CLEC16A: variants seen among roughly 807,000 people sequenced by gnomAD.
The protein encoded by CLEC16A is C-type lectin domain containing 16A.
A neutral mutation model predicts 109.5 loss-of-function variants in CLEC16A; 51 were observed. That is an observed-to-expected ratio of 0.47 (90% confidence interval 0.37 to 0.59). CLEC16A has a LOEUF of 0.59. CLEC16A is among the 20% of genes least tolerant of loss of function. The pLI, the probability that CLEC16A is intolerant of heterozygous loss-of-function variation, is 0.00. For missense variants in CLEC16A, 1,339 were observed against 1,394.0 expected (o/e 0.96, Z 0.63); for synonymous variants, 673 against 564.2 (o/e 1.19, Z -2.73).
intron 1 of CLEC16A, among the ~76,000 whole-genome samples, chr16:10,956,400 A>C (rs2041988417): frequency 6.6e-6 from 1 of 152,174 alleles, no homozygotes; most frequent in South Asian, 2.1e-4. Flanking sequence ...AATCCTATCT[A>C]GACGTTTCCT....
At chr16:11,146,024 G>A (rs1465707537) in intron 22 of CLEC16A, among the ~76,000 whole-genome samples, 1 of 152,168 alleles carries the variant, frequency 6.6e-6, no homozygotes, top group Non-Finnish European at 1.5e-5. Flanking sequence ...GACCTTGCTA[G>A]GTATGCTCCT....
chr16:11,149,688 C>G (rs1246821083), intron 22 of CLEC16A, among the ~76,000 whole-genome samples: 1 of 151,924 alleles, frequency 6.6e-6, no homozygotes, highest in African/African-American at 2.4e-5. Flanking sequence ...ACTTGGGAAG[C>G]TGAGACATGA....
intron 13 of CLEC16A, among the ~76,000 whole-genome samples, chr16:11,033,605 G>C (rs1384626502): frequency 6.6e-6 from 1 of 152,148 alleles, no homozygotes; most frequent in Non-Finnish European, 1.5e-5. Context: ...GGCTGCACTT[G>C]ACCTTCAGCC....
intron 19 of CLEC16A, among the ~76,000 whole-genome samples, chr16:11,090,931 A>C (rs1439095817): frequency 2.0e-5 from 3 of 151,152 alleles, no homozygotes; most frequent in Non-Finnish European, 4.4e-5. Context: ...CAGCCTCCCA[A>C]AGTGCTGGGA....
intron 2 of CLEC16A, 99 bp downstream of exon 2, chr16:10,958,009 G>C: frequency 4.9e-6 from 6 of 1,236,752 alleles, no homozygotes; most frequent in Non-Finnish European, 6.8e-6. Context: ...AGGATTTGAC[G>C]CTAATTTGAT....
intron 1 of CLEC16A, among the ~76,000 whole-genome samples, chr16:10,948,045 C>A (rs368184936): frequency 1.3e-5 from 2 of 152,068 alleles, no homozygotes; most frequent in Non-Finnish European, 2.9e-5. Flanking sequence ...AGGCGCCCGC[C>A]ACCACGCCCA....
chr16:11,093,668 A>G (rs911470537), intron 19 of CLEC16A, among the ~76,000 whole-genome samples: 1 of 152,220 alleles, frequency 6.6e-6, no homozygotes, highest in African/African-American at 2.4e-5. Flanking sequence ...CACCCTGGGC[A>G]CAGCACAGGT....
At chr16:11,035,433 C>G (rs1274352553) in intron 13 of CLEC16A, among the ~76,000 whole-genome samples, 2 of 152,168 alleles carry the variant, frequency 1.3e-5, no homozygotes, top group East Asian at 3.8e-4. Flanking sequence ...ACCACTAGAT[C>G]ACATGACATA....
intron 22 of CLEC16A, among the ~76,000 whole-genome samples, chr16:11,144,199 C>G (rs150634809): frequency 3.9e-5 from 6 of 152,264 alleles, no homozygotes; most frequent in Non-Finnish European, 7.4e-5. Flanking sequence ...GGAACTGCAC[C>G]CAAATGAGCA....
intron 3 of CLEC16A, among the ~76,000 whole-genome samples, chr16:10,962,826 G>A (rs1806112567): frequency 6.6e-6 from 1 of 152,192 alleles, no homozygotes; most frequent in South Asian, 2.1e-4. Context: ...AGGAGGCCAA[G>A]GTGGGCAGAT....
intron 23 of CLEC16A, among the ~76,000 whole-genome samples, chr16:11,177,091 G>A (rs770281612): frequency 2.6e-5 from 4 of 152,150 alleles, no homozygotes; most frequent in South Asian, 2.1e-4. Flanking sequence ...ATATAGCATC[G>A]TCAGCACCTC....
chr16:10,972,709 T>G, intron 6 of CLEC16A, 150 bp downstream of exon 6: 2 of 847,642 alleles, frequency 2.4e-6, no homozygotes, highest in African/African-American at 3.4e-5. Context: ...TTAGCCCAAC[T>G]AATTTATTTT....
At chr16:11,142,185 G>A (rs530463187) in intron 22 of CLEC16A, among the ~76,000 whole-genome samples, 24 of 152,306 alleles carry the variant, frequency 1.6e-4, no homozygotes, top group Non-Finnish European at 2.9e-4. Context: ...TCAGTGGTAG[G>A]TGGTGTTGCT....
At chr16:11,160,292 A>C (rs1052699844) in intron 22 of CLEC16A, among the ~76,000 whole-genome samples, 8 of 152,122 alleles carry the variant, frequency 5.3e-5, no homozygotes, top group African/African-American at 1.7e-4. Context: ...TTGTGCCTAC[A>C]CACATCCAAG....
intron 19 of CLEC16A, among the ~76,000 whole-genome samples, chr16:11,076,318 C>A (rs1472683437): frequency 1.3e-5 from 2 of 152,246 alleles, no homozygotes; most frequent in African/African-American, 2.4e-5. Context: ...AACCCCCACT[C>A]TGCCCCACAG....
At chr16:11,003,763 A>G (rs2044814440) in intron 11 of CLEC16A, among the ~76,000 whole-genome samples, 1 of 152,166 alleles carries the variant, frequency 6.6e-6, no homozygotes, top group Non-Finnish European at 1.5e-5. Context: ...TTACTGATAT[A>G]ATTATTCCCA....
intron 22 of CLEC16A, among the ~76,000 whole-genome samples, chr16:11,133,485 C>A (rs1384342406): frequency 6.6e-6 from 1 of 152,064 alleles, no homozygotes; most frequent in Non-Finnish European, 1.5e-5. Context: ...GGAAAAGCCT[C>A]GCCGGTTCCA....
At chr16:11,127,818 T>TACA in intron 22 of CLEC16A, among the ~76,000 whole-genome samples, 2 of 152,286 alleles carry the variant, frequency 1.3e-5, no homozygotes, top group Non-Finnish European at 2.9e-5. Context: ...TGCAGTGAGC[T>TACA]ATGATTGTAC....
At chr16:11,140,288 A>T (rs1019721266) in intron 22 of CLEC16A, among the ~76,000 whole-genome samples, 2 of 152,176 alleles carry the variant, frequency 1.3e-5, no homozygotes, top group Non-Finnish European at 2.9e-5. Flanking sequence ...GTTGAACCTC[A>T]CGGATGGCTG....
Sources: gnomAD v4.1 joint callset for allele counts (sites outside exome capture counted in the v4.1 genomes callset) on GRCh38, gnomAD v4.1.1 for gene constraint, MANE v1.5 for transcripts, NCBI Gene and HGNC (gene_info 2026-07-23, HGNC 2026-07-21) for gene names.